Variants in MROH2B observed in about 807,000 individuals in gnomAD.
MROH2B encodes the protein maestro heat like repeat family member 2B.
MROH2B carries 177 observed loss-of-function variants against 208.6 expected under a neutral mutation model. The observed-to-expected ratio is 0.85, with a 90% CI of 0.75 to 0.96. The LOEUF is 0.96. Ranked by LOEUF, MROH2B falls within the 40% of genes least tolerant of loss-of-function variation. MROH2B has a pLI of 0.00. For synonymous variants in MROH2B, 728 were observed against 659.0 expected (o/e 1.10, Z -1.60); for missense variants, 2,002 against 1,878.7 (o/e 1.07, Z -1.21).
At chr5:41,067,611 A>C (rs955403049) in intron 2 of MROH2B, among the ~76,000 whole-genome samples, 2 of 152,120 alleles carry the variant, frequency 1.3e-5, no homozygotes, top group African/African-American at 4.8e-5. Context: ...CAGGTGATCC[A>C]CTTGCCTCGG....
chr5:41,052,344 A>T, intron 12 of MROH2B, 121 bp downstream of exon 12: 3 of 914,346 alleles, frequency 3.3e-6, no homozygotes, highest in Non-Finnish European at 4.3e-6. Flanking sequence ...AAATTTATTT[A>T]TTTATTTTTT....
chr5:41,024,345 C>G (rs898790553), intron 24 of MROH2B, among the ~76,000 whole-genome samples: 1 of 151,958 alleles, frequency 6.6e-6, no homozygotes, highest in Non-Finnish European at 1.5e-5. Context: ...GGAAGATATA[C>G]CAAGCAAATG....
At chr5:41,057,718 G>A (rs1743507666) in intron 7 of MROH2B, among the ~76,000 whole-genome samples, 1 of 151,246 alleles carries the variant, frequency 6.6e-6, no homozygotes, top group African/African-American at 2.4e-5. Flanking sequence ...CACCATGCCC[G>A]GCTAATTTTT....
Position 41,038,787 on chromosome 5 carries a change from A to C in MROH2B, c.2163T>G (p.Leu721=). The C allele has an allele frequency of 1.2e-6, 2 of 1,613,592 alleles. No homozygotes were observed. The highest frequency in any genetic ancestry group is 1.7e-6 in the Non-Finnish European group (2 of 1,179,676). Residue 721 remains leucine (L), a synonymous_variant, in exon 21 of 42, where the codon CTT becomes CTG. Coordinates refer to ENST00000399564, the MANE Select transcript of MROH2B (RefSeq NM_173489.5). ...HAPKKQLLSR[L]NQDIISQVLS... is the part of the protein sequence containing the mutation. Reference sequence around the variant, plus strand: ...GGACTTGGGATATGATATCTTGATTAAGTCTGGAGAGAAGTTGCTTCTTGG... The same window carrying C: ...GGACTTGGGATATGATATCTTGATTCAGTCTGGAGAGAAGTTGCTTCTTGG...
chr5:41,056,583 C>T (rs609356), intron 9 of MROH2B, among the ~76,000 whole-genome samples: 20,832 of 151,432 alleles, frequency 0.14, 1,530 homozygotes, highest in Middle Eastern at 0.21. Flanking sequence ...ATTTTGGTGC[C>T]CCCCGTGCAT....
At chr5:41,051,397 C>A in intron 12 of MROH2B, 1 of 204,458 alleles carries the variant, frequency 4.9e-6, no homozygotes, top group East Asian at 1.1e-4. Flanking sequence ...TTTTTCAAAG[C>A]ATGCTTCTTT....
intron 35 of MROH2B, chr5:41,005,164 GA>G: frequency 3.7e-6 from 2 of 543,648 alleles, no homozygotes; most frequent in Non-Finnish European, 3.2e-6. Context: ...AGTCTCAATG[GA>G]AAATGGGGCA....
rs376566685 is a variant in MROH2B, at chr5:41,049,055, T to G, written c.1542+46A>C. 17 of 1,548,810 alleles carry G rather than the reference T, an allele frequency of 1.1e-5. No homozygotes were observed. The African/African-American group carries it at 1.9e-4, about 17-fold the overall frequency. On this transcript the variant is annotated intron_variant, in intron 15 of 41. Transcript: ENST00000399564. The stretch of plus-strand genomic sequence containing the variant: ...CACTTATTTGGAACTGAACTATCCT[T>G]ATCAGCTTAAATTTGTTCTACTTTG...
chr5:41,050,897 C>T (rs325866), intron 13 of MROH2B, 80 bp downstream of exon 13: 803,254 of 925,434 alleles, frequency 0.87, 349,930 homozygotes, highest in Middle Eastern at 0.9. Context: ...GGAGAACAAA[C>T]TCATGTCTTT....
chr5:41,018,914 C>A lies in MROH2B; in HGVS notation c.2546G>T (p.Gly849Val), dbSNP rs1318856030. 13 of 1,613,838 alleles carry A rather than the reference C, an allele frequency of 8.1e-6. No homozygotes were observed. The highest frequency in any genetic ancestry group is 1.1e-5 in the Non-Finnish European group (13 of 1,179,850). ...LPPLENLKSE[G>V]QTDKDKEHIQ... ...GTGCTCCTTGTCCTTGTCTGTCTGG[C>A]CTTCACTTTTCAGATTTTCCAGAGG... is the stretch of plus-strand genomic sequence containing the variant. Residue 849 changes from glycine (G) to valine (V), a missense_variant, in exon 25 of 42, where the codon GGC becomes GTC. Coordinates refer to ENST00000399564, the MANE Select transcript of MROH2B (RefSeq NM_173489.5).
At chr5:41,033,549 C>T (rs1258424445) in intron 22 of MROH2B, among the ~76,000 whole-genome samples, 1 of 151,994 alleles carries the variant, frequency 6.6e-6, no homozygotes, top group African/African-American at 2.4e-5. Context: ...TGGTTGTGAC[C>T]TATTAAATTG....
At chr5:41,070,704 C>A in intron 1 of MROH2B, 121 bp downstream of exon 1, 1 of 925,430 alleles carries the variant, frequency 1.1e-6, no homozygotes, top group Non-Finnish European at 1.7e-6. Flanking sequence ...TTCATAAATC[C>A]TTTGAGGTGT....
intron 24 of MROH2B, among the ~76,000 whole-genome samples, chr5:41,024,597 C>T (rs1335825798): frequency 6.6e-6 from 1 of 152,150 alleles, no homozygotes; most frequent in Non-Finnish European, 1.5e-5. Context: ...GAGACTGTAA[C>T]ACCCCACTGT....
chr5:40,998,020 T>G lies in MROH2B; in HGVS notation c.*32A>C. The G allele has an allele frequency of 6.7e-7, 1 of 1,488,224 alleles. No homozygotes were observed. Among genetic ancestry groups the G allele is most frequent in the Non-Finnish European group, 9.3e-7 (1 of 1,071,468 alleles). 92.2% of individuals were successfully genotyped at this position (1,488,224 alleles called of 1,614,324 possible). A position where few individuals can be genotyped will look rare whatever the true frequency, so the allele number is the denominator to read the frequency against. Reference sequence around the variant, plus strand: ...ATAGGATGAAGACAGGAGTCAGATATAGGAAAAGCCAGCAGTTTATTTCTT... The same window carrying G: ...ATAGGATGAAGACAGGAGTCAGATAGAGGAAAAGCCAGCAGTTTATTTCTT... On this transcript the variant is annotated 3_prime_UTR_variant, in exon 42 of 42. Transcript: ENST00000399564.
chr5:41,031,946 G>A (rs977813479), intron 24 of MROH2B, among the ~76,000 whole-genome samples: 1 of 152,098 alleles, frequency 6.6e-6, no homozygotes, highest in Non-Finnish European at 1.5e-5. Context: ...ATAGTGTAAT[G>A]TATCACATTT....
rs1403575193 is a variant in MROH2B at position 41,004,864 on chromosome 5, C to A, written c.3921G>T (p.Leu1307Phe). The A allele has an allele frequency of 2.6e-5, 42 of 1,613,894 alleles. No homozygotes were observed. Among genetic ancestry groups the A allele is most frequent in the Non-Finnish European group, 3.5e-5 (41 of 1,179,892 alleles). The stretch of plus-strand genomic sequence containing the variant: ...TGGAGTCCCAGGCACTTTGATCCAT[C>A]AAGATCAGCACATTTCGCAGATTCC... ...KHGNLRNVLI[L>F]MDQSAWDSNA... is the part of the protein sequence containing the mutation. Residue 1307 changes from leucine to phenylalanine, a missense_variant, in exon 36 of 42, where the codon TTG becomes TTT. By Grantham distance (22) the Leu-to-Phe change is conservative. Coordinates refer to ENST00000399564, the MANE Select transcript of MROH2B (RefSeq NM_173489.5).
rs1280578913 is a variant in MROH2B, at chr5:41,045,867, T to C, written c.1729-14A>G. ...TTCTTTGAGCAACTGTTGTAGGAAG[T>C]GGAAGTTAGATGTGAATATGACCGT... On this transcript the variant is annotated splice_polypyrimidine_tract_variant and intron_variant, in intron 17 of 41. Transcript: ENST00000399564. The C allele has an allele frequency of 2.5e-6, 4 of 1,597,610 alleles. No individual in the cohort carries two copies. The East Asian group carries it at 8.9e-5, about 36-fold the overall frequency.
chr5:41,065,916 G>A (rs954240583), intron 3 of MROH2B, among the ~76,000 whole-genome samples: 3 of 152,174 alleles, frequency 2.0e-5, no homozygotes, highest in African/African-American at 7.2e-5. Context: ...GGGAGAACAG[G>A]CTGTTACAAA....
intron 36 of MROH2B, 100 bp from the exon 37 acceptor site, chr5:41,004,628 C>A: frequency 6.6e-7 from 1 of 1,509,906 alleles, no homozygotes; most frequent in South Asian, 1.3e-5. Flanking sequence ...TTGTCAGGGT[C>A]ACATGTAGTT....
Sources: allele counts gnomAD v4.1 joint callset (sites outside exome capture counted in the v4.1 genomes callset), GRCh38; gene constraint gnomAD v4.1.1; transcripts MANE v1.5; gene names NCBI Gene and HGNC (gene_info 2026-07-23, HGNC 2026-07-21).